The following NTRK3 variants were observed in gnomAD, a reference collection of about 807,000 sequenced individuals.
NTRK3 encodes the protein NT-3 growth factor receptor.
In NTRK3, 24 loss-of-function variants were observed where a neutral mutation model predicts 91.7. The ratio of observed to expected loss-of-function variants is 0.26; its 90% confidence interval spans 0.19 to 0.37. NTRK3 has a LOEUF of 0.37. Among genes scored for constraint, NTRK3 ranks in the 10% least tolerant of loss-of-function variants. The probability of loss-of-function intolerance (pLI) is 1.00; values close to 1 mark genes in which losing one functional copy is unlikely to be tolerated. For synonymous variants in NTRK3, 483 were observed against 404.0 expected, an observed-to-expected ratio of 1.20 and a Z score of -2.34; for missense variants, 880 against 1,068.9, an observed-to-expected ratio of 0.82 and a Z score of 2.46.
intron 17 of NTRK3, among the ~76,000 whole-genome samples, chr15:87,882,874 A>C (rs1299049192): frequency 6.6e-6 from 1 of 152,114 alleles, no homozygotes; most frequent in African/African-American, 2.4e-5. Context: ...ATGACTAAAA[A>C]GCACAAAATG....
intron 17 of NTRK3, among the ~76,000 whole-genome samples, chr15:87,889,066 T>G (rs971912948): frequency 6.6e-5 from 10 of 152,118 alleles, no homozygotes; most frequent in African/African-American, 2.4e-4. Flanking sequence ...CATCCTCCAG[T>G]GGGGTGAATG....
At chr15:88,008,351 T>C (rs115937000) in intron 14 of NTRK3, among the ~76,000 whole-genome samples, 3,185 of 152,150 alleles carry the variant, frequency 0.021, 109 homozygotes, top group African/African-American at 0.073. Context: ...CACTCAGGGC[T>C]TCAGTTTCCT....
chr15:88,190,697 G>A (rs756694644), intron 3 of NTRK3, among the ~76,000 whole-genome samples: 3 of 152,128 alleles, frequency 2.0e-5, no homozygotes, highest in Non-Finnish European at 4.4e-5. Context: ...CTGGAATTAG[G>A]CTGACCTGGA....
chr15:88,141,739 C>T (rs116798917), intron 6 of NTRK3, among the ~76,000 whole-genome samples: 1 of 152,202 alleles, frequency 6.6e-6, no homozygotes, highest in African/African-American at 2.4e-5. Flanking sequence ...TCATGGCCCC[C>T]CAAAGGCAGA....
chr15:87,963,806 A>T (rs1011743136), intron 14 of NTRK3, among the ~76,000 whole-genome samples: 1 of 152,208 alleles, frequency 6.6e-6, no homozygotes, highest in Non-Finnish European at 1.5e-5. Context: ...GTATCACCCC[A>T]TATGGCCAAT....
chr15:87,986,607 G>T (rs2074817425), intron 14 of NTRK3, among the ~76,000 whole-genome samples: 1 of 152,200 alleles, frequency 6.6e-6, no homozygotes, highest in Non-Finnish European at 1.5e-5. Flanking sequence ...GTTGATACAT[G>T]TAGCTCCCGT....
chr15:88,142,561 T>G (rs901004884), intron 6 of NTRK3, among the ~76,000 whole-genome samples: 9 of 152,222 alleles, frequency 5.9e-5, no homozygotes, highest in Non-Finnish European at 1.0e-4. Context: ...GTGACAGTCC[T>G]GGGGCCAGGC....
intron 14 of NTRK3, among the ~76,000 whole-genome samples, chr15:87,948,947 G>C (rs1169735380): frequency 6.6e-6 from 1 of 152,152 alleles, no homozygotes; most frequent in African/African-American, 2.4e-5. Context: ...TTTACAAAGA[G>C]GCTTTGAAGG....
chr15:88,125,713 G>A (rs1394055145), intron 13 of NTRK3, among the ~76,000 whole-genome samples: 1 of 152,144 alleles, frequency 6.6e-6, no homozygotes, highest in African/African-American at 2.4e-5. Flanking sequence ...ACAGTGGAGT[G>A]GAGCACTGTA....
rs1298502872 is a variant in NTRK3 at position 88,243,076 on chromosome 15, A to C, written c.248+12830T>G. 2.0e-5 allele frequency among the ~76,000 whole-genome samples: 3 copies of C among 152,092 alleles called. No homozygotes were observed. The highest frequency in any genetic ancestry group is 7.2e-5 in the African/African-American group (3 of 41,412). On this transcript the variant is annotated intron_variant, in intron 3 of 18. Coordinates refer to ENST00000394480, the Ensembl canonical transcript of NTRK3. The surrounding 1 kb of genome is among the most constrained non-coding windows in gnomAD (Gnocchi z 4.8). ...GCCCTTCTTTCCACCCTCTTCCTTC[A>C]ACACCAGGGACTTTGAGGAGCCCTG... is the stretch of plus-strand genomic sequence containing the variant.
chr15:88,158,078 C>G (rs2044087219), intron 5 of NTRK3, among the ~76,000 whole-genome samples: 1 of 152,186 alleles, frequency 6.6e-6, no homozygotes, highest in African/African-American at 2.4e-5. Flanking sequence ...GTTACTTCAC[C>G]TCTCTGTACC....
intron 17 of NTRK3, among the ~76,000 whole-genome samples, chr15:87,923,814 T>C (rs1332708635): frequency 6.6e-6 from 1 of 152,096 alleles, no homozygotes; most frequent in Non-Finnish European, 1.5e-5. Context: ...GTTGTTATCA[T>C]GAGAGTGGGT....
chr15:88,050,486 CGTGTGTGTGTGT>C (rs55943475), intron 13 of NTRK3, among the ~76,000 whole-genome samples: 9,018 of 144,222 alleles, frequency 0.063, 392 homozygotes, highest in African/African-American at 0.13. Context: ...CAATATATAC[CGTGTGTGTGTGT>C]GTGTGTGTGT....
chr15:87,863,986 C>CACAT (rs1555424608), exon 19 of NTRK3: 2 of 204,742 alleles, frequency 9.8e-6, no homozygotes, highest in Non-Finnish European at 1.9e-5. Flanking sequence ...CACACACACA[C>CACAT]ACACACATAC....
chr15:87,892,225 G>A (rs554453968), intron 17 of NTRK3, among the ~76,000 whole-genome samples: 2 of 152,128 alleles, frequency 1.3e-5, no homozygotes, highest in Non-Finnish European at 2.9e-5. Flanking sequence ...TACTGGTACA[G>A]GTGTTGAAAA....
chr15:87,882,320 G>A (rs573290174), intron 17 of NTRK3, among the ~76,000 whole-genome samples: 1 of 152,190 alleles, frequency 6.6e-6, no homozygotes, highest in African/African-American at 2.4e-5. Context: ...CATCCTTTCA[G>A]AAAATATAGG....
At chr15:88,062,870 A>T (rs767637222) in intron 13 of NTRK3, among the ~76,000 whole-genome samples, 8 of 152,196 alleles carry the variant, frequency 5.3e-5, no homozygotes, top group African/African-American at 7.2e-5. Flanking sequence ...TGCCCACTCT[A>T]TCAGCTTCCC....
In NTRK3 at chr15:88,140,463, G is replaced by T. The variant is rs567348842; in HGVS notation, c.465-2902C>A. Among the ~76,000 whole-genome samples, 21 of 152,276 alleles carry T rather than the reference G, an allele frequency of 1.4e-4. No individual in the cohort carries two copies. In the South Asian group the frequency reaches 4.2e-3, roughly 30 times the overall value. On this transcript the variant is annotated intron_variant, in intron 6 of 18. Transcript: ENST00000394480. ...TCACACATAGGCACCATATAGACTG[G>T]CAGGGTCCAGGTCAATTCTCAAACT... is the stretch of plus-strand genomic sequence containing the variant.
intron 3 of NTRK3, among the ~76,000 whole-genome samples, chr15:88,242,801 C>T (rs367751752): frequency 1.5e-4 from 23 of 152,336 alleles, no homozygotes; most frequent in East Asian, 7.7e-4. Context: ...GCAAGGCAGG[C>T]GGCCAGACAC....
Sources: gnomAD v4.1 joint callset for allele counts (sites outside exome capture counted in the v4.1 genomes callset) on GRCh38, gnomAD v4.1.1 for gene constraint, Gnocchi (gnomAD v3.1) non-coding constraint, MANE v1.5 for transcripts, NCBI Gene and HGNC (gene_info 2026-07-23, HGNC 2026-07-21) for gene names.